Variants in DNAAF1 observed in about 807,000 individuals in gnomAD.
The protein encoded by DNAAF1 is dynein axonemal assembly factor 1.
A neutral mutation model predicts 71.1 loss-of-function variants in DNAAF1; 65 were observed. The observed-to-expected ratio is 0.91, with a 90% CI of 0.75 to 1.12. DNAAF1 has a LOEUF of 1.12. Ranked by LOEUF, DNAAF1 falls within the 50% of genes most tolerant of loss-of-function variation. The pLI is 0.00. For synonymous variants in DNAAF1, 414 were observed against 354.6 expected (o/e 1.17, Z -1.88); for missense variants, 1,178 against 899.8 (o/e 1.31, Z -3.96).
chr16:84,150,089 A>G (rs920934820), intron 2 of DNAAF1, among the ~76,000 whole-genome samples, 162 bp from the exon 3 acceptor site: 1 of 152,208 alleles, frequency 6.6e-6, no homozygotes, highest in South Asian at 2.1e-4. Context: ...AAGAAGAAGA[A>G]AAAGGAAAGG....
intron 6 of DNAAF1, among the ~76,000 whole-genome samples, chr16:84,164,955 C>G (rs1567553678): frequency 6.6e-6 from 1 of 152,160 alleles, no homozygotes; most frequent in East Asian, 1.9e-4. Context: ...TTTTAGCCAT[C>G]TTGTAGCCAT....
At chr16:84,155,263 C>G (rs1044795607) in intron 4 of DNAAF1, among the ~76,000 whole-genome samples, 2 of 152,144 alleles carry the variant, frequency 1.3e-5, no homozygotes, top group African/African-American at 2.4e-5. Context: ...GGGTCTTGCT[C>G]TGTCACCCAG....
chr16:84,149,264 G>T, intron 2 of DNAAF1, 122 bp downstream of exon 2: 3 of 1,301,232 alleles, frequency 2.3e-6, no homozygotes, highest in Non-Finnish European at 3.3e-6. Flanking sequence ...CAATGTCTGA[G>T]AATGGAGTGA....
chr16:84,146,969 T>C (rs1053313332), intron 1 of DNAAF1, among the ~76,000 whole-genome samples: 16 of 152,208 alleles, frequency 1.1e-4, no homozygotes, highest in Admixed American at 3.3e-4. Flanking sequence ...CATAGGGAAC[T>C]GGCATTACTC....
At chr16:84,176,499 G>A in intron 11 of DNAAF1, 200 bp downstream of exon 11, 2 of 809,308 alleles carry the variant, frequency 2.5e-6, no homozygotes, top group Admixed American at 2.3e-5. Context: ...TAGCCAGCCT[G>A]GGCCAGGAAG....
intron 4 of DNAAF1, 109 bp downstream of exon 4, chr16:84,154,907 T>C: frequency 1.9e-6 from 2 of 1,048,538 alleles, no homozygotes; most frequent in Non-Finnish European, 1.4e-6. Context: ...TTTTTTTTTG[T>C]CTTTTTTTTG....
chr16:84,145,681 A>C, intron 1 of DNAAF1, 117 bp downstream of exon 1: 7 of 1,294,790 alleles, frequency 5.4e-6, no homozygotes, highest in Non-Finnish European at 7.3e-6. Context: ...AATAATAATA[A>C]TGGTAGCAAG....
intron 6 of DNAAF1, among the ~76,000 whole-genome samples, chr16:84,160,830 G>C (rs2087670961): frequency 9.1e-6 from 1 of 110,018 alleles, no homozygotes; most frequent in Admixed American, 8.0e-5. Context: ...AGCTACTCGA[G>C]TGGAGGCTGA....
At chr16:84,172,170 C>T in intron 8 of DNAAF1, 90 bp from the exon 9 acceptor site, 2 of 1,262,614 alleles carry the variant, frequency 1.6e-6, no homozygotes, top group East Asian at 2.4e-5. Flanking sequence ...AGCCACCGAG[C>T]CCGGCCCTTG....
intron 9 of DNAAF1, chr16:84,173,011 A>G: frequency 1.0e-6 from 1 of 992,892 alleles, no homozygotes; most frequent in Non-Finnish European, 1.2e-6. Flanking sequence ...CAACCCCCCA[A>G]GAACTGTCCT....
chr16:84,145,743 A>G (rs548182347), intron 1 of DNAAF1, among the ~76,000 whole-genome samples, 179 bp downstream of exon 1: 6 of 152,328 alleles, frequency 3.9e-5, no homozygotes, highest in African/African-American at 1.4e-4. Flanking sequence ...AGGAGGAAAC[A>G]TACTTAAGAG....
rs572836665 is a variant in DNAAF1, at chr16:84,159,121, G to C, written c.742-554G>C. The C allele has an allele frequency of 2.7e-4, 271 of 991,758 alleles. 1 individual carries two copies. The Middle Eastern group carries it at 0.012, about 46-fold the overall frequency. The allele number at this position is 991,758 out of a possible 1,614,324, so 61.4% of individuals were successfully genotyped here. On this transcript the variant is annotated intron_variant, in intron 5 of 11. Coordinates refer to ENST00000378553, the MANE Select transcript of DNAAF1 (RefSeq NM_178452.6). ...GGGGAGGATGGCAGGTCGGATTGCC[G>C]AGCCCCTTCCTCCTCCCTGGTCCTA...
At chr16:84,170,490 C>T in intron 8 of DNAAF1, 134 bp downstream of exon 8, 1 of 1,392,246 alleles carries the variant, frequency 7.2e-7, no homozygotes, top group Non-Finnish European at 9.9e-7. Flanking sequence ...ATAATGGACA[C>T]TAGTTATCTT....
rs754395286 is a variant in DNAAF1 at position 84,176,316 on chromosome 16, G to C, written c.2065+17G>C. The C allele has an allele frequency of 6.2e-7, 1 of 1,612,966 alleles. No individual in the cohort carries two copies. The highest frequency in any genetic ancestry group is 1.7e-5 in the Admixed American group (1 of 60,022). ...CTTCTCCGGGTAAGAGCGTGGGGCC[G>C]AGAGCACAGTGGAGACAATGTTGGC... On this transcript the variant is annotated intron_variant, in intron 11 of 11. Coordinates refer to ENST00000378553, the MANE Select transcript of DNAAF1 (RefSeq NM_178452.6).
At chr16:84,147,187 C>G (rs2151201550) in intron 1 of DNAAF1, among the ~76,000 whole-genome samples, 1 of 152,254 alleles carries the variant, frequency 6.6e-6, no homozygotes, top group Admixed American at 6.5e-5. Context: ...AATGGTAGCT[C>G]TTGTTATTAA....
At chr16:84,173,814 A>T in intron 9 of DNAAF1, 1 of 152,460 alleles carries the variant, frequency 6.6e-6, no homozygotes, top group Non-Finnish European at 1.5e-5. Context: ...CCAAGATCTC[A>T]CCACTGCACT....
At chr16:84,154,010 G>A (rs760560676) in intron 3 of DNAAF1, among the ~76,000 whole-genome samples, 14 of 152,084 alleles carry the variant, frequency 9.2e-5, no homozygotes, top group Admixed American at 3.3e-4. Context: ...GGCCACCCCC[G>A]AATGAGTCAC....
chr16:84,159,128 T>A, intron 5 of DNAAF1: 2 of 992,936 alleles, frequency 2.0e-6, no homozygotes, highest in Non-Finnish European at 2.4e-6. Context: ...GCCGAGCCCC[T>A]TCCTCCTCCC....
intron 6 of DNAAF1, among the ~76,000 whole-genome samples, chr16:84,163,242 T>C: frequency 6.6e-6 from 1 of 152,150 alleles, no homozygotes; most frequent in East Asian, 1.9e-4. Flanking sequence ...CATTTAATTT[T>C]TGAGGAGACA....
Sources: allele counts gnomAD v4.1 joint callset (sites outside exome capture counted in the v4.1 genomes callset), GRCh38; gene constraint gnomAD v4.1.1; transcripts MANE v1.5; gene names NCBI Gene and HGNC (gene_info 2026-07-23, HGNC 2026-07-21).